The following ABCG1 variants were observed in gnomAD, a reference collection of about 807,000 sequenced individuals.
ABCG1 encodes the protein ATP binding cassette subfamily G member 1.
In ABCG1, 29 loss-of-function variants were observed where a neutral mutation model predicts 69.2. That is an observed-to-expected ratio of 0.42 (90% CI 0.31 to 0.57). ABCG1 has a LOEUF of 0.57. Among genes scored for constraint, ABCG1 ranks in the 20% least tolerant of loss-of-function variants. The pLI is 0.15. For synonymous variants in ABCG1, 370 were observed against 374.8 expected (o/e 0.99, Z 0.15); for missense variants, 718 against 898.1 (o/e 0.80, Z 2.56).
chr21:42,206,545 T>G (rs2067544208), intron 2 of ABCG1, among the ~76,000 whole-genome samples: 1 of 152,122 alleles, frequency 6.6e-6, no homozygotes, highest in South Asian at 2.1e-4. Flanking sequence ...AAATATTGAT[T>G]AGATCCTATT....
chr21:42,250,931 C>A lies in ABCG1; in HGVS notation c.287-20139C>A, dbSNP rs2068210283. ...GACCCACCAGACACATGAAGGGAAG[C>A]AACAGCAGCACTAAGTGGTATTGCT... On this transcript the variant is annotated intron_variant, in intron 2 of 14. Transcript: ENST00000398449. Among the ~76,000 whole-genome samples, 5 of 152,178 alleles carry A rather than the reference C, an allele frequency of 3.3e-5. No individual in the cohort carries two copies. In the South Asian group the frequency reaches 1.0e-3, roughly 32 times the overall value.
rs2068716217 is a variant in ABCG1 at position 42,276,689 on chromosome 21, C to T, written c.538-206C>T. ...TGCCTAGCTGCACTGTGGATAGCTG[C>T]ACCGTGACTAGTGGCACCGTGGCTA... On this transcript the variant is annotated intron_variant, in intron 4 of 14. Transcript: ENST00000398449. The surrounding 1 kb of genome is among the most constrained non-coding windows in gnomAD (Gnocchi z 5.3). 1.7e-5 allele frequency: 10 copies of T among 582,228 alleles called. No homozygotes were observed. The East Asian group carries it at 2.0e-4, about 12-fold the overall frequency. The allele number at this position is 582,228 out of a possible 1,614,324, so 36.1% of individuals were successfully genotyped here.
intron 1 of ABCG1, among the ~76,000 whole-genome samples, chr21:42,201,180 CTG>C (rs1162071987): frequency 6.6e-6 from 1 of 152,154 alleles, no homozygotes; most frequent in Non-Finnish European, 1.5e-5. Context: ...ATTATGGTCT[CTG>C]TGCAGTCAAA....
rs1601450406 is a variant in ABCG1 at position 42,287,755 on chromosome 21, A to G, written c.974-134A>G. ...CTGGTTGATAAATGATTTTGACGTC[A>G]TGCCATTAGCACCGCCACGCAGCAT... is the stretch of plus-strand genomic sequence containing the variant. On this transcript the variant is annotated intron_variant, in intron 8 of 14. Transcript: ENST00000398449. This position sits in a 1 kb window ranked among gnomAD's most constrained non-coding sequence, Gnocchi z 6.2. 3.4e-6 allele frequency: 3 copies of G among 893,546 alleles called. No individual in the cohort carries two copies. The highest frequency in any genetic ancestry group is 5.1e-5 in the East Asian group (2 of 38,964). The allele number at this position is 893,546 out of a possible 1,614,324, so 55.4% of individuals were successfully genotyped here. A position where few individuals can be genotyped will look rare whatever the true frequency, so the allele number is the denominator to read the frequency against.
intron 2 of ABCG1, among the ~76,000 whole-genome samples, chr21:42,202,462 C>T (rs79962011): frequency 0.012 from 1,871 of 152,086 alleles, 46 homozygotes; most frequent in African/African-American, 0.043. Flanking sequence ...CAGTGAAAAC[C>T]GGGGGCCGGC....
At chr21:42,201,801 G>T in intron 2 of ABCG1, 1 of 1,607,040 alleles carries the variant, frequency 6.2e-7, no homozygotes, top group Non-Finnish European at 8.5e-7. Context: ...CTCGTTCCGT[G>T]GGCCTGATGT....
intron 2 of ABCG1, among the ~76,000 whole-genome samples, chr21:42,203,482 T>C (rs974409448): frequency 6.6e-6 from 1 of 152,220 alleles, no homozygotes; most frequent in Non-Finnish European, 1.5e-5. Flanking sequence ...CAGTTTCTTT[T>C]TTTCTGCCCG....
chr21:42,248,307 G>A (rs1158092872), intron 2 of ABCG1, among the ~76,000 whole-genome samples: 1 of 152,214 alleles, frequency 6.6e-6, no homozygotes, highest in Non-Finnish European at 1.5e-5. Context: ...AGATGTGTCT[G>A]TTGCAGGACT....
At chr21:42,243,445 CGCGTGTGTGTGTGTGTGTGT>C (rs1305442696) in intron 2 of ABCG1, among the ~76,000 whole-genome samples, 3 of 79,662 alleles carry the variant, frequency 3.8e-5, no homozygotes, top group African/African-American at 1.3e-4. Context: ...CGTGTGTGTG[CGCGTGTGTGTGTGTGTGTGT>C]GTGTGTGTGT....
Position 42,285,776 on chromosome 21 carries a change from A to G in ABCG1, c.859-104A>G. 3 of 802,182 alleles carry G rather than the reference A, an allele frequency of 3.7e-6. No homozygotes were observed. In the South Asian group the frequency reaches 4.4e-5, roughly 12 times the overall value. 49.7% of individuals were successfully genotyped at this position (802,182 alleles called of 1,614,324 possible). On this transcript the variant is annotated intron_variant, in intron 7 of 14. Transcript: ENST00000398449. ...GAGGAAGTGGCTGATCGCTGGGCTG[A>G]CTGATTGATCGGTTGATTGATTGGT...
At chr21:42,293,242 ACAC>A (rs2069119621) in intron 13 of ABCG1, among the ~76,000 whole-genome samples, 2 of 129,068 alleles carry the variant, frequency 1.5e-5, no homozygotes, top group African/African-American at 3.3e-5. Context: ...CACCACACAC[ACAC>A]CACACTACAC....
chr21:42,278,981 C>T (rs899014543), intron 5 of ABCG1, among the ~76,000 whole-genome samples: 1 of 152,170 alleles, frequency 6.6e-6, no homozygotes, highest in Admixed American at 6.5e-5. Flanking sequence ...GAGGCTTTTC[C>T]ACCCGGAGAC....
upstream of ABCG1, among the ~76,000 whole-genome samples, chr21:42,218,322 G>T (rs1445352980): frequency 6.6e-6 from 1 of 152,164 alleles, no homozygotes; most frequent in East Asian, 1.9e-4. Flanking sequence ...ACCAGGAAAT[G>T]GCCCCACTTA....
chr21:42,223,392 C>T (rs2067761945), intron 1 of ABCG1, among the ~76,000 whole-genome samples: 1 of 152,208 alleles, frequency 6.6e-6, no homozygotes, highest in Admixed American at 6.5e-5. Context: ...CCATAGTATG[C>T]TTTCCGCCTG....
intron 1 of ABCG1, among the ~76,000 whole-genome samples, chr21:42,224,520 G>C (rs117183313): frequency 0.019 from 2,912 of 152,302 alleles, 39 homozygotes; most frequent in South Asian, 0.028. Flanking sequence ...ACATGCCCGG[G>C]ACCAGCAGAC....
chr21:42,294,757 T>A, intron 14 of ABCG1, 97 bp downstream of exon 14: 4 of 1,123,634 alleles, frequency 3.6e-6, no homozygotes, highest in Non-Finnish European at 5.4e-6. Flanking sequence ...CACTCTGGGC[T>A]GCTGGCCAAG....
At chr21:42,212,071 C>G (rs1341024201), upstream of ABCG1, among the ~76,000 whole-genome samples, 3 of 152,206 alleles carry the variant, frequency 2.0e-5, no homozygotes, top group Non-Finnish European at 4.4e-5. Context: ...CTATGAGGAA[C>G]AGGCCTCCAG....
chr21:42,219,865 C>G lies in ABCG1; in HGVS notation c.42+561C>G. The G allele has an allele frequency of 6.5e-7, 1 of 1,533,128 alleles. No individual in the cohort carries two copies. The highest frequency in any genetic ancestry group is 8.8e-7 in the Non-Finnish European group (1 of 1,141,032). 95.0% of individuals were successfully genotyped at this position (1,533,128 alleles called of 1,614,324 possible). A position where few individuals can be genotyped will look rare whatever the true frequency, so the allele number is the denominator to read the frequency against. On this transcript the variant is annotated intron_variant, in intron 1 of 14. Coordinates refer to ENST00000398449, the MANE Select transcript of ABCG1 (RefSeq NM_016818.3). This position sits in a 1 kb window ranked among gnomAD's most constrained non-coding sequence, Gnocchi z 5.3. The stretch of plus-strand genomic sequence containing the variant: ...GGGGACACCCTCTCCCGGACCCACT[C>G]GGGGAGGCGGCGGCGAAGGCCCGGG...
intron 2 of ABCG1, among the ~76,000 whole-genome samples, chr21:42,238,626 C>A (rs2068009010): frequency 6.6e-6 from 1 of 152,224 alleles, no homozygotes. Context: ...TTGTGAGTTA[C>A]TGGATGGAAA....
Sources: gnomAD v4.1 joint callset for allele counts (sites outside exome capture counted in the v4.1 genomes callset) on GRCh38, gnomAD v4.1.1 for gene constraint, Gnocchi (gnomAD v3.1) non-coding constraint, MANE v1.5 for transcripts, NCBI Gene and HGNC (gene_info 2026-07-23, HGNC 2026-07-21) for gene names.